The following CACNB2 variants were observed in gnomAD, a reference collection of about 807,000 sequenced individuals.
CACNB2 encodes the protein calcium voltage-gated channel auxiliary subunit beta 2.
Under a neutral mutation model 73.3 loss-of-function variants are expected in CACNB2, and 42 were observed. That is an observed-to-expected ratio of 0.57 (90% CI 0.45 to 0.74). The LOEUF (loss-of-function observed/expected upper bound fraction) is 0.74. Ranked by LOEUF, CACNB2 falls within the 30% of genes least tolerant of loss-of-function variation. The pLI, the probability that CACNB2 is intolerant of heterozygous loss-of-function variation, is 0.00. For synonymous variants in CACNB2, 348 were observed against 310.3 expected, an observed-to-expected ratio of 1.12 and a Z score of -1.28; for missense variants, 940 against 853.0, an observed-to-expected ratio of 1.10 and a Z score of -1.27.
chr10:18,426,342 T>G (rs942004670), intron 3 of CACNB2, among the ~76,000 whole-genome samples: 2 of 152,232 alleles, frequency 1.3e-5, no homozygotes, highest in Non-Finnish European at 2.9e-5. Flanking sequence ...GATATGTTAA[T>G]TTTTTAGTTA....
chr10:18,241,632 C>A (rs1588816217), intron 2 of CACNB2, among the ~76,000 whole-genome samples: 1 of 150,482 alleles, frequency 6.6e-6, no homozygotes, highest in East Asian at 2.0e-4. Flanking sequence ...ACATGGGAAA[C>A]AAAAGTAAAA....
At chr10:18,263,989 C>T (rs2037673931) in intron 2 of CACNB2, among the ~76,000 whole-genome samples, 1 of 152,146 alleles carries the variant, frequency 6.6e-6, no homozygotes, top group African/African-American at 2.4e-5. Context: ...CCTGTGTTTA[C>T]CTAAACTGTC....
chr10:18,303,300 C>G (rs899650971), intron 2 of CACNB2, among the ~76,000 whole-genome samples: 1 of 152,072 alleles, frequency 6.6e-6, no homozygotes, highest in Admixed American at 6.5e-5. Flanking sequence ...CTGAGGAGTT[C>G]AAGAACAGCC....
At position 18,441,725 on chromosome 10, in the gene CACNB2, C is replaced by T. The variant is rs530597848; in HGVS notation, c.333+39682C>T. ...TCACAGCGCCCTGCAGCCTTGATCT[C>T]CTGGGTTCAAGCCATCCTCCCACCT... On this transcript the variant is annotated intron_variant, in intron 3 of 13. Coordinates refer to ENST00000324631, the MANE Select transcript of CACNB2 (RefSeq NM_201596.3). Among the ~76,000 whole-genome samples, 19 of 152,236 alleles carry T rather than the reference C, an allele frequency of 1.2e-4. 1 individual carries two copies. In the East Asian group the frequency reaches 3.5e-3, roughly 28 times the overall value.
At position 18,542,409 on chromosome 10, in the gene CACNB2, G is replaced by A. The variant is rs924633349; in HGVS notation, c.*2685G>A. 2.0e-5 allele frequency: 3 copies of A among 152,074 alleles called. No homozygotes were observed. Among genetic ancestry groups the A allele is most frequent in the East Asian group, 3.8e-4 (2 of 5,200 alleles). 9.4% of individuals were successfully genotyped at this position (152,074 alleles called of 1,614,324 possible). Reference sequence around the variant, plus strand: ...ATATTTCTGATAAAACTTTTGTCATGGTAAGAGATTCACAATTATTAGTTC... The same window carrying A: ...ATATTTCTGATAAAACTTTTGTCATAGTAAGAGATTCACAATTATTAGTTC... On this transcript the variant is annotated 3_prime_UTR_variant, in exon 14 of 14. Coordinates refer to ENST00000324631, the MANE Select transcript of CACNB2 (RefSeq NM_201596.3).
chr10:18,395,228 A>G (rs996249617), intron 2 of CACNB2, among the ~76,000 whole-genome samples: 1 of 152,206 alleles, frequency 6.6e-6, no homozygotes, highest in Admixed American at 6.5e-5. Context: ...CATTTCTTGT[A>G]CACAAGGCCT....
chr10:18,380,672 C>T (rs2042979390), intron 2 of CACNB2, among the ~76,000 whole-genome samples: 1 of 151,866 alleles, frequency 6.6e-6, no homozygotes, highest in Non-Finnish European at 1.5e-5. Flanking sequence ...CCAGGCTGGT[C>T]TGGAACTCCT....
intron 2 of CACNB2, chr10:18,401,132 G>A: frequency 6.2e-7 from 1 of 1,613,810 alleles, no homozygotes; most frequent in African/African-American, 1.3e-5. Flanking sequence ...TGTGGGGAGA[G>A]GTTATTTTGT....
At chr10:18,401,465 A>G (rs1172669840) in intron 2 of CACNB2, among the ~76,000 whole-genome samples, 1 of 152,238 alleles carries the variant, frequency 6.6e-6, no homozygotes, top group African/African-American at 2.4e-5. Flanking sequence ...TAAAGTGGGA[A>G]TCATGTCATG....
intron 2 of CACNB2, among the ~76,000 whole-genome samples, chr10:18,301,430 C>CA (rs5783592): frequency 0.19 from 29,319 of 151,358 alleles, 2,871 homozygotes; most frequent in Middle Eastern, 0.27. Flanking sequence ...CCCCGCTCTA[C>CA]AAAAAAACAC....
chr10:18,397,256 C>T (rs2043758941), intron 2 of CACNB2, among the ~76,000 whole-genome samples: 1 of 152,108 alleles, frequency 6.6e-6, no homozygotes, highest in African/African-American at 2.4e-5. Context: ...CACCTGAGGT[C>T]AGGAGTTCAA....
intron 2 of CACNB2, among the ~76,000 whole-genome samples, chr10:18,232,186 A>G (rs1476480709): frequency 6.6e-6 from 1 of 152,230 alleles, no homozygotes; most frequent in Non-Finnish European, 1.5e-5. Flanking sequence ...TGCCTTAAGG[A>G]AAGAAGATAT....
chr10:18,335,964 A>G (rs7087460), intron 2 of CACNB2, among the ~76,000 whole-genome samples: 33,347 of 151,984 alleles, frequency 0.22, 3,972 homozygotes, highest in African/African-American at 0.3. Context: ...AATCATTATT[A>G]GTTAACATTT....
intron 10 of CACNB2, among the ~76,000 whole-genome samples, chr10:18,529,221 C>A (rs958303758): frequency 6.6e-6 from 1 of 152,114 alleles, no homozygotes; most frequent in African/African-American, 2.4e-5. Context: ...AATTACATAA[C>A]AGATTTCCTT....
At chr10:18,338,144 A>G (rs796958966) in intron 2 of CACNB2, among the ~76,000 whole-genome samples, 13 of 152,352 alleles carry the variant, frequency 8.5e-5, no homozygotes, top group African/African-American at 2.9e-4. Context: ...GTGGGTTGGG[A>G]AAAAATATTT....
At chr10:18,185,496 G>C (rs1374014750) in intron 2 of CACNB2, among the ~76,000 whole-genome samples, 1 of 152,138 alleles carries the variant, frequency 6.6e-6, no homozygotes, top group Non-Finnish European at 1.5e-5. Context: ...TCTTGGATTT[G>C]CTGTTGCCCT....
intron 2 of CACNB2, among the ~76,000 whole-genome samples, chr10:18,376,596 C>G (rs2042806890): frequency 6.6e-6 from 1 of 152,158 alleles, no homozygotes; most frequent in Non-Finnish European, 1.5e-5. Context: ...CTTTCTCTTA[C>G]AGGCTTAGAG....
intron 2 of CACNB2, among the ~76,000 whole-genome samples, chr10:18,159,022 T>C (rs2032260170): frequency 6.6e-6 from 1 of 152,184 alleles, no homozygotes; most frequent in Admixed American, 6.5e-5. Context: ...TCTCTCATTC[T>C]CTCTCTTCCT....
intron 3 of CACNB2, among the ~76,000 whole-genome samples, chr10:18,428,424 C>T (rs534267522): frequency 2.2e-4 from 34 of 152,240 alleles, no homozygotes; most frequent in African/African-American, 7.5e-4. Context: ...TGGTGGCTCA[C>T]GCCTGTAATC....
Sources: allele counts gnomAD v4.1 joint callset (sites outside exome capture counted in the v4.1 genomes callset), GRCh38; gene constraint gnomAD v4.1.1; transcripts MANE v1.5; gene names NCBI Gene and HGNC (gene_info 2026-07-23, HGNC 2026-07-21).